The following WDR43 variants were observed in gnomAD, a reference collection of about 807,000 sequenced individuals.
WDR43 encodes the protein WD repeat domain 43.
WDR43 carries 13 observed loss-of-function variants against 91.4 expected under a neutral mutation model. That is an observed-to-expected ratio of 0.14 (90% CI 0.09 to 0.23). The LOEUF (loss-of-function observed/expected upper bound fraction) is 0.23, where lower values mean the gene tolerates loss of function less well. Ranked by LOEUF, WDR43 falls within the 10% of genes least tolerant of loss-of-function variation. WDR43 has a pLI of 1.00. For synonymous variants in WDR43, 331 were observed against 287.9 expected, an observed-to-expected ratio of 1.15 and a Z score of -1.51; for missense variants, 780 against 809.4, an observed-to-expected ratio of 0.96 and a Z score of 0.44.
chr2:28,922,478 C>T (rs1191275708), intron 6 of WDR43, among the ~76,000 whole-genome samples: 2 of 152,138 alleles, frequency 1.3e-5, no homozygotes, highest in Non-Finnish European at 2.9e-5. Flanking sequence ...ACAACCCTTT[C>T]TAGGTGGTAG....
At chr2:28,946,557 A>G (rs1671545612) in intron 17 of WDR43, 43 bp from the exon 18 acceptor site, 9 of 1,585,296 alleles carry the variant, frequency 5.7e-6, no homozygotes, top group Non-Finnish European at 7.7e-6. Context: ...CTCTGTAAGA[A>G]TGAGACCTTC....
chr2:28,929,855 A>C, intron 11 of WDR43, 145 bp downstream of exon 11: 2 of 878,388 alleles, frequency 2.3e-6, no homozygotes, highest in Admixed American at 2.5e-5. Context: ...AACATGTATC[A>C]CTTGGTGGCA....
chr2:28,901,815 T>G (rs892789897), intron 1 of WDR43, among the ~76,000 whole-genome samples, 172 bp from the exon 2 acceptor site: 1 of 152,160 alleles, frequency 6.6e-6, no homozygotes, highest in Non-Finnish European at 1.5e-5. Context: ...GAGTTTCTCT[T>G]CCCATTGGAG....
chr2:28,934,064 AAC>A (rs1474778523), intron 11 of WDR43, among the ~76,000 whole-genome samples: 3 of 152,220 alleles, frequency 2.0e-5, no homozygotes, highest in Non-Finnish European at 2.9e-5. Flanking sequence ...AACTGGAAAG[AAC>A]ACATATGTCC....
intron 9 of WDR43, 35 bp downstream of exon 9, chr2:28,926,589 A>G (rs1470856632): frequency 1.3e-6 from 2 of 1,523,682 alleles, no homozygotes; most frequent in Non-Finnish European, 8.9e-7. Context: ...TTTAAGAAAA[A>G]GAATATTTCT....
At chr2:28,899,620 T>C (rs1429114808) in intron 1 of WDR43, among the ~76,000 whole-genome samples, 1 of 152,206 alleles carries the variant, frequency 6.6e-6, no homozygotes, top group Admixed American at 6.5e-5. Context: ...GTTTTTTTGA[T>C]CACAGGAATA....
chr2:28,928,498 C>G (rs1671184160), intron 10 of WDR43, among the ~76,000 whole-genome samples: 1 of 152,144 alleles, frequency 6.6e-6, no homozygotes, highest in South Asian at 2.1e-4. Flanking sequence ...CTAGTTTCAA[C>G]TTTTTAATTT....
rs1558380154 is a variant in WDR43 at position 28,929,714 on chromosome 2, A to G, written c.1437+4A>G. On this transcript the variant is annotated splice_donor_region_variant and intron_variant, in intron 11 of 17. Transcript: ENST00000407426. ...TAACGATTTTGAAATGCTAAATGTA[A>G]GTATATAGCAATTTTTAACTAAATT... The G allele has an allele frequency of 6.2e-7, 1 of 1,608,116 alleles. No homozygotes were observed. Among genetic ancestry groups the G allele is most frequent in the East Asian group, 2.2e-5 (1 of 44,808 alleles).
rs1448081155 is a variant in WDR43, at chr2:28,947,859, T to A, written c.*1080T>A. 1 of 136,870 alleles carries A rather than the reference T, an allele frequency of 7.3e-6. No individual in the cohort carries two copies. Among genetic ancestry groups the A allele is most frequent in the Non-Finnish European group, 1.5e-5 (1 of 64,844 alleles). The allele number at this position is 136,870 out of a possible 1,614,324, so 8.5% of individuals were successfully genotyped here. On this transcript the variant is annotated 3_prime_UTR_variant, in exon 18 of 18. Transcript: ENST00000407426. Reference sequence around the variant, plus strand: ...TACAAAAGCCTTTGCAAATTATCAGTAGTAGTTTTTTTTTTTTTTTTTTTT... The same window carrying A: ...TACAAAAGCCTTTGCAAATTATCAGAAGTAGTTTTTTTTTTTTTTTTTTTT...
intron 11 of WDR43, among the ~76,000 whole-genome samples, chr2:28,933,086 T>C (rs1671278720): frequency 6.6e-6 from 1 of 152,174 alleles, no homozygotes. Flanking sequence ...ATTTAATCCA[T>C]TCTCAATTAA....
At chr2:28,913,959 A>G in intron 4 of WDR43, 110 bp from the exon 5 acceptor site, 3 of 1,236,122 alleles carry the variant, frequency 2.4e-6, no homozygotes, top group Non-Finnish European at 3.4e-6. Flanking sequence ...TTCATCGTGG[A>G]GCTCTCCTTT....
intron 11 of WDR43, among the ~76,000 whole-genome samples, chr2:28,933,498 A>G (rs1256171433): frequency 3.3e-5 from 5 of 152,232 alleles, no homozygotes; most frequent in African/African-American, 4.8e-5. Flanking sequence ...ATAGCATACA[A>G]TGCATGAAAT....
At chr2:28,940,839 A>C (rs972739618) in intron 14 of WDR43, among the ~76,000 whole-genome samples, 1 of 152,236 alleles carries the variant, frequency 6.6e-6, no homozygotes, top group Non-Finnish European at 1.5e-5. Context: ...GTTGTGTTCC[A>C]AATATAACAG....
rs1558364425 is a variant in WDR43 at position 28,894,735 on chromosome 2, G to T, written c.37G>T (p.Ala13Ser). The T allele has an allele frequency of 1.9e-6, 3 of 1,584,664 alleles. No homozygotes were observed. Among genetic ancestry groups the T allele is most frequent in the South Asian group, 1.1e-5 (1 of 87,624 alleles). The change falls in exon 1 of 18, where the codon GCC becomes TCC. Residue 13 changes from alanine to serine, a missense_variant. By Grantham distance (99) the Ala-to-Ser change is moderately conservative. Transcript: ENST00000407426. The part of the protein sequence containing the change: ...AGGGGSCDPL[A>S]PAGVPCAFSP... The stretch of plus-strand genomic sequence containing the variant: ...CGGCGGCGGTAGCTGCGACCCCCTG[G>T]CCCCTGCTGGGGTCCCTTGCGCCTT...
At chr2:28,930,281 A>C (rs760515468) in intron 11 of WDR43, 1 of 339,644 alleles carries the variant, frequency 2.9e-6, no homozygotes, top group Non-Finnish European at 5.9e-6. Context: ...TGCTTGTATG[A>C]AGTTACTCAG....
chr2:28,916,953 C>T lies in WDR43; in HGVS notation c.747-940C>T, dbSNP rs186712464. ...GATTAACTTTGAATTCAGAGCACTA[C>T]AACTCATGTCTGAGTGAAGCTTATT... is the stretch of plus-strand genomic sequence containing the variant. On this transcript the variant is annotated intron_variant, in intron 5 of 17. Transcript: ENST00000407426. Among the ~76,000 whole-genome samples, 101 of 152,300 alleles carry T rather than the reference C, an allele frequency of 6.6e-4. 1 individual carries two copies. Among genetic ancestry groups the T allele is most frequent in the Non-Finnish European group, 1.2e-3 (83 of 68,026 alleles).
chr2:28,926,622 T>C, intron 9 of WDR43, 68 bp downstream of exon 9: 4 of 1,325,908 alleles, frequency 3.0e-6, no homozygotes, highest in Non-Finnish European at 2.1e-6. Context: ...AACTGTTACT[T>C]AGTATTATGA....
At position 28,939,983 on chromosome 2, in the gene WDR43, T is replaced by C. The variant is rs764927673; in HGVS notation, c.1621-1478T>C. Among the ~76,000 whole-genome samples, 229 of 151,910 alleles carry C rather than the reference T, an allele frequency of 1.5e-3. 2 individuals carry two copies. The highest frequency in any genetic ancestry group is 1.3e-3 in the Non-Finnish European group (90 of 67,948). ...TTAGCCGAGCGTGATGGCAGGTGCC[T>C]GTAGTCCCAGCTACTCGGGAGGCTG... On this transcript the variant is annotated intron_variant, in intron 14 of 17. Transcript: ENST00000407426.
intron 9 of WDR43, chr2:28,926,925 G>A (rs1407956995): frequency 2.7e-6 from 1 of 368,366 alleles, no homozygotes; most frequent in Non-Finnish European, 5.5e-6. Context: ...GTATTTCAGG[G>A]TGTAATAAAA....
Sources: allele counts gnomAD v4.1 joint callset (sites outside exome capture counted in the v4.1 genomes callset), GRCh38; gene constraint gnomAD v4.1.1; transcripts MANE v1.5; gene names NCBI Gene and HGNC (gene_info 2026-07-23, HGNC 2026-07-21).